The following NAALADL2 variants were observed in gnomAD, a reference collection of about 807,000 sequenced individuals.
The protein encoded by NAALADL2 is inactive N-acetylated-alpha-linked acidic dipeptidase-like protein 2.
NAALADL2 carries 76 observed loss-of-function variants against 87.2 expected under a neutral mutation model. That is an observed-to-expected ratio of 0.87 (90% CI 0.72 to 1.05). The LOEUF is 1.05. Ranked by LOEUF, NAALADL2 falls within the 50% of genes least tolerant of loss-of-function variation. NAALADL2 has a pLI of 0.00. For missense variants in NAALADL2, 1,089 were observed against 945.8 expected, an observed-to-expected ratio of 1.15 and a Z score of -1.99; for synonymous variants, 354 against 331.0, an observed-to-expected ratio of 1.07 and a Z score of -0.75.
At chr3:175,197,120 A>G (rs1739132886) in intron 2 of NAALADL2, among the ~76,000 whole-genome samples, 1 of 152,010 alleles carries the variant, frequency 6.6e-6, no homozygotes, top group African/African-American at 2.4e-5. Flanking sequence ...TGCAACACTT[A>G]AGGCCCTCTG....
At chr3:175,292,049 T>C (rs1755702928) in intron 4 of NAALADL2, among the ~76,000 whole-genome samples, 1 of 152,220 alleles carries the variant, frequency 6.6e-6, no homozygotes, top group African/African-American at 2.4e-5. Context: ...GAGAATGCCA[T>C]TTGAAAAACA....
intron 1 of NAALADL2, among the ~76,000 whole-genome samples, chr3:174,482,352 C>T (rs1020314164): frequency 6.6e-6 from 1 of 151,990 alleles, no homozygotes; most frequent in African/African-American, 2.4e-5. Context: ...ATTCTGCTCT[C>T]GCCAAGACTC....
At chr3:175,378,668 T>A (rs1369737226) in intron 5 of NAALADL2, among the ~76,000 whole-genome samples, 1 of 152,200 alleles carries the variant, frequency 6.6e-6, no homozygotes, top group Non-Finnish European at 1.5e-5. Context: ...CAAACTCTGA[T>A]ATTGTCTTTT....
intron 2 of NAALADL2, among the ~76,000 whole-genome samples, chr3:174,559,969 C>G (rs2108509653): frequency 6.6e-6 from 1 of 152,306 alleles, no homozygotes; most frequent in East Asian, 1.9e-4. Context: ...ATCATTTTTA[C>G]CTTTCCAAAA....
At chr3:174,704,167 CTCTT>C (rs1729840546) in intron 2 of NAALADL2, among the ~76,000 whole-genome samples, 1 of 152,160 alleles carries the variant, frequency 6.6e-6, no homozygotes, top group Non-Finnish European at 1.5e-5. Flanking sequence ...CCCTCTCTCT[CTCTT>C]TTTTTCTGGT....
At chr3:175,028,436 A>G (rs936810073) in intron 1 of NAALADL2, among the ~76,000 whole-genome samples, 11 of 152,086 alleles carry the variant, frequency 7.2e-5, no homozygotes, top group African/African-American at 2.7e-4. Context: ...GTATGTCCTT[A>G]GCAGAATTGG....
intron 5 of NAALADL2, among the ~76,000 whole-genome samples, chr3:175,374,918 A>AAATG (rs1215562948): frequency 2.0e-5 from 3 of 149,898 alleles, no homozygotes; most frequent in Non-Finnish European, 1.5e-5. Flanking sequence ...ATAAATAAAT[A>AAATG]AGTCAAGTTG....
intron 1 of NAALADL2, among the ~76,000 whole-genome samples, chr3:174,549,575 G>A (rs143637683): frequency 1.3e-5 from 2 of 152,240 alleles, no homozygotes; most frequent in East Asian, 1.9e-4. Context: ...TCCTTAGGGA[G>A]GTCACAATCT....
chr3:175,697,714 AT>A (rs942472815), intron 11 of NAALADL2, among the ~76,000 whole-genome samples: 6 of 149,634 alleles, frequency 4.0e-5, no homozygotes, highest in Non-Finnish European at 7.4e-5. Flanking sequence ...ATTATTATTT[AT>A]TAAAAAAGCA....
chr3:174,920,416 C>T (rs1306375925), intron 1 of NAALADL2, among the ~76,000 whole-genome samples: 3 of 152,266 alleles, frequency 2.0e-5, no homozygotes, highest in East Asian at 1.9e-4. Flanking sequence ...TATGTTATAG[C>T]GATGGTTTCT....
chr3:175,398,767 G>A (rs1770166912), intron 5 of NAALADL2, among the ~76,000 whole-genome samples: 2 of 151,896 alleles, frequency 1.3e-5, no homozygotes, highest in African/African-American at 2.4e-5. Flanking sequence ...TTGATGACTA[G>A]CAAATAGAAC....
rs148972462 is a variant in NAALADL2, at chr3:175,164,764, C to G, written c.545+67473C>G. Among the ~76,000 whole-genome samples, 37 of 152,242 alleles carry G rather than the reference C, an allele frequency of 2.4e-4. 2 individuals carry two copies. The East Asian group carries it at 7.0e-3, about 29-fold the overall frequency. ...CAATGATAACAACTATAAGAGCTAA[C>G]AGATTTGGGGGCATCCCTCAGGAAA... is the stretch of plus-strand genomic sequence containing the variant. On this transcript the variant is annotated intron_variant, in intron 2 of 13. Transcript: ENST00000454872.
At chr3:175,395,144 A>G (rs1440357333) in intron 5 of NAALADL2, among the ~76,000 whole-genome samples, 3 of 152,120 alleles carry the variant, frequency 2.0e-5, no homozygotes, top group Non-Finnish European at 2.9e-5. Flanking sequence ...GGGCAGGTCC[A>G]TAATGCATAC....
chr3:175,422,134 T>C (rs781135881), intron 5 of NAALADL2, among the ~76,000 whole-genome samples: 3 of 151,918 alleles, frequency 2.0e-5, no homozygotes, highest in Non-Finnish European at 4.4e-5. Flanking sequence ...TTTTTTAAAT[T>C]CTTCCTAACC....
intron 2 of NAALADL2, among the ~76,000 whole-genome samples, chr3:174,723,217 T>C (rs1731866388): frequency 6.6e-6 from 1 of 152,120 alleles, no homozygotes; most frequent in Non-Finnish European, 1.5e-5. Flanking sequence ...AATTCACCTT[T>C]CTGAGCCTAT....
intron 4 of NAALADL2, among the ~76,000 whole-genome samples, chr3:175,260,498 T>A (rs910259686): frequency 6.6e-6 from 1 of 152,234 alleles, no homozygotes; most frequent in South Asian, 2.1e-4. Context: ...AACATAGTTA[T>A]GCAGCATGAT....
chr3:174,470,676 G>GT (rs1242142302), intron 1 of NAALADL2, among the ~76,000 whole-genome samples: 1 of 152,088 alleles, frequency 6.6e-6, no homozygotes, highest in Admixed American at 6.5e-5. Context: ...TAGGAGTCCA[G>GT]TTTCATTCTT....
chr3:175,777,576 G>T (rs1559999718), intron 13 of NAALADL2, among the ~76,000 whole-genome samples: 1 of 152,108 alleles, frequency 6.6e-6, no homozygotes, highest in African/African-American at 2.4e-5. Flanking sequence ...AGAAACTCGT[G>T]TTCTTCAAGA....
At position 175,338,607 on chromosome 3, in the gene NAALADL2, A is replaced by C. The variant is rs1486796242; in HGVS notation, c.1090+14282A>C. Among the ~76,000 whole-genome samples, 11 of 110,994 alleles carry C rather than the reference A, an allele frequency of 9.9e-5. 1 individual carries two copies. The highest frequency in any genetic ancestry group is 1.7e-4 in the Non-Finnish European group (9 of 52,034). The allele number at this position is 110,994 out of a possible 152,430, so 72.8% of individuals were successfully genotyped here. ...AAATACAAAAACCAAAAAAAAAAAAAAAAAAAACACCACAAACACACACAC... is the reference window on the plus strand; with the variant it reads ...AAATACAAAAACCAAAAAAAAAAAACAAAAAAACACCACAAACACACACAC... On this transcript the variant is annotated intron_variant, in intron 5 of 13. Coordinates refer to ENST00000454872, the MANE Select transcript of NAALADL2 (RefSeq NM_207015.3).
Sources: gnomAD v4.1 joint callset for allele counts (sites outside exome capture counted in the v4.1 genomes callset) on GRCh38, gnomAD v4.1.1 for gene constraint, MANE v1.5 for transcripts, NCBI Gene and HGNC (gene_info 2026-07-23, HGNC 2026-07-21) for gene names.